The following PLEKHM3 variants were observed in gnomAD, a reference collection of about 807,000 sequenced individuals.
The protein encoded by PLEKHM3 is pleckstrin homology domain-containing family M member 3.
A neutral mutation model predicts 81.8 loss-of-function variants in PLEKHM3; 45 were observed. That is an observed-to-expected ratio of 0.55 (90% CI 0.43 to 0.71). PLEKHM3 has a LOEUF of 0.71. Ranked by LOEUF, PLEKHM3 falls within the 30% of genes least tolerant of loss-of-function variation. PLEKHM3 has a pLI of 0.00. For missense variants in PLEKHM3, 788 were observed against 924.3 expected, an observed-to-expected ratio of 0.85 and a Z score of 1.91; for synonymous variants, 352 against 356.4, an observed-to-expected ratio of 0.99 and a Z score of 0.14.
chr2:207,859,719 T>C (rs1351889570), intron 7 of PLEKHM3, among the ~76,000 whole-genome samples: 1 of 151,772 alleles, frequency 6.6e-6, no homozygotes, highest in Non-Finnish European at 1.5e-5. Context: ...TGCCTCAACC[T>C]CCTGAGTAGC....
At chr2:207,993,128 A>C (rs1027427841) in intron 2 of PLEKHM3, among the ~76,000 whole-genome samples, 6 of 152,158 alleles carry the variant, frequency 3.9e-5, no homozygotes, top group African/African-American at 1.2e-4. Flanking sequence ...AAAAAAAATT[A>C]ATAGGACAAC....
intron 3 of PLEKHM3, among the ~76,000 whole-genome samples, chr2:207,952,016 T>C (rs904699874): frequency 6.6e-6 from 1 of 152,134 alleles, no homozygotes; most frequent in Non-Finnish European, 1.5e-5. Flanking sequence ...TGCCACCCAC[T>C]TTCCATCTCT....
At position 207,888,265 on chromosome 2, in the gene PLEKHM3, C is replaced by A. The variant is rs1687944160; in HGVS notation, c.1950+20249G>T. Among the ~76,000 whole-genome samples the A allele has an allele frequency of 2.6e-5, 4 of 152,164 alleles. No homozygotes were observed. In the South Asian group the frequency reaches 8.3e-4, roughly 32 times the overall value. On this transcript the variant is annotated intron_variant, in intron 6 of 7. Transcript: ENST00000427836. ...TCCTTGCTTGCTCTGCTCTTTCAGGCAGGACCTCAGCTTTGCTATTGAATT... is the reference window on the plus strand; with the variant it reads ...TCCTTGCTTGCTCTGCTCTTTCAGGAAGGACCTCAGCTTTGCTATTGAATT...
intron 6 of PLEKHM3, among the ~76,000 whole-genome samples, chr2:207,862,780 C>T (rs893596132): frequency 4.6e-5 from 7 of 152,166 alleles, no homozygotes; most frequent in African/African-American, 1.4e-4. Flanking sequence ...TGTAATCATG[C>T]CTTTTGTAAA....
intron 4 of PLEKHM3, among the ~76,000 whole-genome samples, chr2:207,940,132 C>T (rs1689890212): frequency 6.6e-6 from 1 of 152,134 alleles, no homozygotes. Context: ...TACTATGTGC[C>T]AGAACTGTGC....
At chr2:207,896,373 GCCA>G (rs761577456) in intron 6 of PLEKHM3, among the ~76,000 whole-genome samples, 79,021 of 151,448 alleles carry the variant, frequency 0.52, 21,479 homozygotes, top group Middle Eastern at 0.68. Context: ...ATCTAAAGAT[GCCA>G]TACATCTTTA....
chr2:207,859,790 GT>G (rs1160294664), intron 7 of PLEKHM3, among the ~76,000 whole-genome samples: 3 of 151,844 alleles, frequency 2.0e-5, no homozygotes, highest in African/African-American at 7.3e-5. Context: ...TAGAGACGGG[GT>G]TTCACCATGT....
intron 6 of PLEKHM3, among the ~76,000 whole-genome samples, chr2:207,867,794 A>G (rs2092509454): frequency 6.6e-6 from 1 of 152,098 alleles, no homozygotes; most frequent in Non-Finnish European, 1.5e-5. Flanking sequence ...CCACCATCCC[A>G]AGAGCCTTAA....
chr2:208,019,916 C>T lies in PLEKHM3; in HGVS notation c.-319+5473G>A, dbSNP rs144222100. ...ATTAACAAATTAATGAATCCCTGAACGTGGAAGAGAAGTTGTTCTGGAAAT... is the reference window on the plus strand; with the variant it reads ...ATTAACAAATTAATGAATCCCTGAATGTGGAAGAGAAGTTGTTCTGGAAAT... On this transcript the variant is annotated intron_variant, in intron 1 of 7. Transcript: ENST00000427836. Among the ~76,000 whole-genome samples, 494 of 152,272 alleles carry T rather than the reference C, an allele frequency of 3.2e-3. 3 individuals are homozygous for T. Among genetic ancestry groups the T allele is most frequent in the African/African-American group, 0.011 (475 of 41,558 alleles).
chr2:207,931,856 C>T (rs1248057281), intron 4 of PLEKHM3, among the ~76,000 whole-genome samples: 1 of 152,110 alleles, frequency 6.6e-6, no homozygotes, highest in African/African-American at 2.4e-5. Flanking sequence ...GCCTGTAATC[C>T]CAGCTACTTG....
At chr2:208,008,678 G>A (rs1692589227) in intron 1 of PLEKHM3, among the ~76,000 whole-genome samples, 1 of 152,130 alleles carries the variant, frequency 6.6e-6, no homozygotes, top group African/African-American at 2.4e-5. Flanking sequence ...TAAATTCCTT[G>A]TGCTGTTAAC....
intron 7 of PLEKHM3, among the ~76,000 whole-genome samples, chr2:207,849,982 C>T (rs1021560409): frequency 1.3e-5 from 2 of 152,170 alleles, no homozygotes; most frequent in Non-Finnish European, 2.9e-5. Context: ...GGAAACATGG[C>T]ACTGGCATCT....
intron 2 of PLEKHM3, among the ~76,000 whole-genome samples, chr2:207,980,063 T>C (rs1691468687): frequency 1.3e-5 from 2 of 152,186 alleles, no homozygotes; most frequent in Non-Finnish European, 1.5e-5. Context: ...GCACTGATGA[T>C]AGTTCAATCT....
chr2:207,999,530 A>C (rs964285933), intron 2 of PLEKHM3, among the ~76,000 whole-genome samples: 2 of 152,130 alleles, frequency 1.3e-5, no homozygotes, highest in South Asian at 4.1e-4. Context: ...CCCATGAGCC[A>C]AGAGTTTGAG....
intron 6 of PLEKHM3, among the ~76,000 whole-genome samples, chr2:207,896,701 T>C (rs1313967171): frequency 6.6e-6 from 1 of 152,192 alleles, no homozygotes; most frequent in African/African-American, 2.4e-5. Flanking sequence ...TCTCCCCTAC[T>C]GCAAGGGAAG....
In PLEKHM3 at chr2:207,909,709, A is replaced by G. The variant is rs79677164; in HGVS notation, c.1887-1132T>C. 4.4e-3 allele frequency among the ~76,000 whole-genome samples: 670 copies of G among 152,346 alleles called. 4 individuals carry two copies. The highest frequency in any genetic ancestry group is 0.015 in the African/African-American group (630 of 41,588). On this transcript the variant is annotated intron_variant, in intron 5 of 7. Coordinates refer to ENST00000427836, the MANE Select transcript of PLEKHM3 (RefSeq NM_001080475.3). ...GAGAGCTTTTAGAAAACCACAGGGT[A>G]TATGCCTGGGTAGAGCCCATAAATC...
chr2:207,969,368 T>C (rs1691032597), intron 3 of PLEKHM3, among the ~76,000 whole-genome samples: 1 of 152,216 alleles, frequency 6.6e-6, no homozygotes. Context: ...GAAATACTGC[T>C]TACTTCCAGA....
intron 7 of PLEKHM3, among the ~76,000 whole-genome samples, chr2:207,836,355 ATATATTT>A (rs1289857801): frequency 4.6e-5 from 7 of 151,296 alleles, no homozygotes; most frequent in Non-Finnish European, 1.0e-4. Flanking sequence ...GAATGAGACT[ATATATTT>A]TATGAACAGT....
chr2:207,881,555 G>A (rs1254597979), intron 6 of PLEKHM3, among the ~76,000 whole-genome samples: 2 of 152,156 alleles, frequency 1.3e-5, no homozygotes, highest in African/African-American at 4.8e-5. Flanking sequence ...TGCCTGGAGC[G>A]TTATTTTCTA....
Sources: allele counts gnomAD v4.1 joint callset (sites outside exome capture counted in the v4.1 genomes callset), GRCh38; gene constraint gnomAD v4.1.1; transcripts MANE v1.5; gene names NCBI Gene and HGNC (gene_info 2026-07-23, HGNC 2026-07-21).